Variants in DNM3 observed in about 807,000 individuals in gnomAD.
DNM3 encodes the protein dynamin 3.
Under a neutral mutation model 101.6 loss-of-function variants are expected in DNM3, and 47 were observed. The observed-to-expected ratio is 0.46, with a 90% CI of 0.37 to 0.59. DNM3 has a LOEUF of 0.59. DNM3 is among the 20% of genes least tolerant of loss of function. The probability of loss-of-function intolerance (pLI) is 0.00; values close to 1 mark genes in which losing one functional copy is unlikely to be tolerated. For synonymous variants in DNM3, 385 were observed against 387.9 expected, an observed-to-expected ratio of 0.99 and a Z score of 0.09; for missense variants, 849 against 1,085.7, an observed-to-expected ratio of 0.78 and a Z score of 3.06.
intron 14 of DNM3, among the ~76,000 whole-genome samples, chr1:172,204,987 TA>T (rs1250385466): frequency 6.6e-6 from 1 of 152,186 alleles, no homozygotes; most frequent in Non-Finnish European, 1.5e-5. Flanking sequence ...ATTCAGCTAT[TA>T]AAATATAATG....
At chr1:172,228,929 C>T (rs2061236456) in intron 14 of DNM3, among the ~76,000 whole-genome samples, 1 of 152,052 alleles carries the variant, frequency 6.6e-6, no homozygotes, top group Non-Finnish European at 1.5e-5. Flanking sequence ...ATCATTGTCA[C>T]CAAAGACCTC....
At chr1:172,351,586 C>A (rs1352281950) in intron 17 of DNM3, among the ~76,000 whole-genome samples, 1 of 152,108 alleles carries the variant, frequency 6.6e-6, no homozygotes, top group African/African-American at 2.4e-5. Context: ...CAGGTCTCAG[C>A]TTAGCAGTTT....
chr1:172,041,872 T>C, intron 7 of DNM3, 137 bp from the exon 8 acceptor site: 2 of 775,166 alleles, frequency 2.6e-6, no homozygotes, highest in Non-Finnish European at 4.1e-6. Context: ...CTACATAGAG[T>C]GCAATGTTAA....
chr1:172,266,143 G>T (rs2148728958), intron 15 of DNM3, among the ~76,000 whole-genome samples: 1 of 152,270 alleles, frequency 6.6e-6, no homozygotes, highest in Admixed American at 6.5e-5. Context: ...GCATTGTTGA[G>T]TAGTGGTATA....
chr1:172,297,057 C>T (rs960207531), intron 15 of DNM3, among the ~76,000 whole-genome samples: 5 of 150,926 alleles, frequency 3.3e-5, no homozygotes, highest in African/African-American at 9.8e-5. Flanking sequence ...GCAGGAGAAT[C>T]GCTTGAACCT....
intron 14 of DNM3, among the ~76,000 whole-genome samples, chr1:172,203,327 C>A (rs11589142): frequency 0.24 from 35,797 of 152,030 alleles, 5,033 homozygotes; most frequent in Middle Eastern, 0.34. Flanking sequence ...TGTTGCATTT[C>A]ATTGATGTGT....
chr1:172,131,322 A>G (rs755267227), intron 14 of DNM3, 34 bp downstream of exon 14: 2 of 1,574,492 alleles, frequency 1.3e-6, no homozygotes, highest in South Asian at 1.1e-5. Context: ...TTTTCTTGTT[A>G]AAGTATTTCT....
intron 14 of DNM3, among the ~76,000 whole-genome samples, chr1:172,190,687 G>A (rs1239690924): frequency 6.6e-6 from 1 of 152,110 alleles, no homozygotes; most frequent in African/African-American, 2.4e-5. Context: ...GTTGTTTCCT[G>A]ACTTTTTAAT....
At chr1:171,988,332 GCT>G (rs1558380652) in intron 3 of DNM3, among the ~76,000 whole-genome samples, 1 of 151,946 alleles carries the variant, frequency 6.6e-6, no homozygotes, top group Non-Finnish European at 1.5e-5. Context: ...TCCCTACTTA[GCT>G]CTATTGCTTT....
chr1:172,109,750 T>C (rs1288579742), intron 13 of DNM3, among the ~76,000 whole-genome samples: 1 of 152,214 alleles, frequency 6.6e-6, no homozygotes, highest in Non-Finnish European at 1.5e-5. Context: ...CTGTTACTTA[T>C]ATGTTCTTTA....
intron 13 of DNM3, among the ~76,000 whole-genome samples, chr1:172,115,962 TA>T (rs890476351): frequency 1.4e-4 from 20 of 147,706 alleles, no homozygotes; most frequent in South Asian, 8.6e-4. Flanking sequence ...GTGCCTAGAA[TA>T]AAAAAAAAAT....
intron 2 of DNM3, among the ~76,000 whole-genome samples, chr1:171,986,721 C>A (rs552039077): frequency 2.6e-5 from 4 of 151,736 alleles, no homozygotes; most frequent in African/African-American, 9.7e-5. Flanking sequence ...GCCTCGACCT[C>A]ACAGGCTCTT....
intron 13 of DNM3, among the ~76,000 whole-genome samples, chr1:172,118,152 G>A (rs935692076): frequency 6.6e-6 from 1 of 152,272 alleles, no homozygotes; most frequent in Non-Finnish European, 1.5e-5. Flanking sequence ...CATTGGAAGA[G>A]ATTTAAAACT....
intron 14 of DNM3, among the ~76,000 whole-genome samples, chr1:172,151,661 A>G (rs994288653): frequency 6.6e-6 from 1 of 152,012 alleles, no homozygotes; most frequent in Non-Finnish European, 1.5e-5. Context: ...TTTTTCTTTA[A>G]AGGATTTGTA....
intron 15 of DNM3, among the ~76,000 whole-genome samples, chr1:172,302,478 G>C (rs1306140843): frequency 1.3e-5 from 2 of 152,250 alleles, no homozygotes; most frequent in Non-Finnish European, 2.9e-5. Flanking sequence ...AACTTCTGCA[G>C]ACTTAAATGT....
chr1:171,970,697 C>T (rs2043929612), intron 2 of DNM3, among the ~76,000 whole-genome samples: 1 of 151,544 alleles, frequency 6.6e-6, no homozygotes, highest in South Asian at 2.1e-4. Context: ...TAGTAAGAAT[C>T]ATCATTAGGA....
chr1:171,914,225 G>A (rs1471608824), intron 1 of DNM3, among the ~76,000 whole-genome samples: 2 of 151,536 alleles, frequency 1.3e-5, no homozygotes, highest in African/African-American at 4.8e-5. Context: ...TGATGCGATC[G>A]CGGCTCACCG....
intron 1 of DNM3, among the ~76,000 whole-genome samples, chr1:171,892,157 G>C (rs571689276): frequency 2.0e-5 from 3 of 148,358 alleles, no homozygotes; most frequent in Non-Finnish European, 1.5e-5. Context: ...ACATAGTCTC[G>C]TAATTGTGTG....
intron 16 of DNM3, among the ~76,000 whole-genome samples, chr1:172,321,036 A>G (rs111633971): frequency 0.014 from 2,171 of 152,326 alleles, 49 homozygotes; most frequent in African/African-American, 0.05. Context: ...CTGGAACTTC[A>G]CTATTCCTTC....
Sources: allele counts gnomAD v4.1 joint callset (sites outside exome capture counted in the v4.1 genomes callset), GRCh38; gene constraint gnomAD v4.1.1; transcripts MANE v1.5; gene names NCBI Gene and HGNC (gene_info 2026-07-23, HGNC 2026-07-21).